UAP1: variants seen among roughly 807,000 people sequenced by gnomAD.
UAP1 encodes the protein UDP-N-acetylglucosamine pyrophosphorylase 1, also known as UDP-N-acetylhexosamine pyrophosphorylase.
In UAP1, 25 loss-of-function variants were observed where a neutral mutation model predicts 58.5. That is an observed-to-expected ratio of 0.43 (90% CI 0.31 to 0.60). UAP1 has a LOEUF of 0.60. Among genes scored for constraint, UAP1 ranks in the 20% least tolerant of loss-of-function variants. The pLI, the probability that UAP1 is intolerant of heterozygous loss-of-function variation, is 0.11. For synonymous variants in UAP1, 208 were observed against 213.0 expected (o/e 0.98, Z 0.21); for missense variants, 575 against 630.0 (o/e 0.91, Z 0.93).
intron 4 of UAP1, 138 bp downstream of exon 4, chr1:162,579,741 T>A: frequency 2.6e-6 from 2 of 781,728 alleles, no homozygotes; most frequent in Non-Finnish European, 3.7e-6. Flanking sequence ...GGAAATGATT[T>A]AAAAAGATGA....
chr1:162,579,055 C>G (rs1007695450), intron 3 of UAP1, among the ~76,000 whole-genome samples: 2 of 152,166 alleles, frequency 1.3e-5, no homozygotes, highest in African/African-American at 2.4e-5. Flanking sequence ...CCCAAGAGAT[C>G]ATTAAACTGT....
At chr1:162,561,607 G>A (rs1172702033) in exon 1 of UAP1, 2 of 152,012 alleles carry the variant, frequency 1.3e-5, no homozygotes, top group Non-Finnish European at 2.9e-5. Flanking sequence ...TAGTCGTGGC[G>A]AGAGGGGCGG....
rs75087661 is a variant in UAP1, at chr1:162,595,616, C to T, written c.1410-2176C>T. 2.1e-3 allele frequency among the ~76,000 whole-genome samples: 318 copies of T among 152,208 alleles called. 6 individuals are homozygous for T. In the East Asian group the frequency reaches 0.05, roughly 24 times the overall value. ...GTTATTTGTTCAGACAACAAGCATTCGTAGGCCTGCTCATAGGTTTATAGG... is the reference window on the plus strand; with the variant it reads ...GTTATTTGTTCAGACAACAAGCATTTGTAGGCCTGCTCATAGGTTTATAGG... On this transcript the variant is annotated intron_variant, in intron 9 of 10. Transcript: ENST00000271469.
chr1:162,569,744 AG>A (rs1394717000), intron 2 of UAP1, among the ~76,000 whole-genome samples: 3 of 152,264 alleles, frequency 2.0e-5, no homozygotes, highest in African/African-American at 4.8e-5. Flanking sequence ...TCTACCATAT[AG>A]CACTATAGTA....
intron 2 of UAP1, among the ~76,000 whole-genome samples, 176 bp from the exon 3 acceptor site, chr1:162,576,600 TG>T (rs1325690324): frequency 2.0e-5 from 3 of 152,212 alleles, no homozygotes; most frequent in Non-Finnish European, 4.4e-5. Context: ...AAGCAGGCTT[TG>T]GTCCAAGCCA....
chr1:162,571,316 A>G (rs1490788321), intron 2 of UAP1, among the ~76,000 whole-genome samples: 1 of 151,514 alleles, frequency 6.6e-6, no homozygotes, highest in African/African-American at 2.4e-5. Flanking sequence ...TTTAGTAGAG[A>G]CGGGGGTTTC....
chr1:162,574,193 A>G (rs2101758105), intron 2 of UAP1, among the ~76,000 whole-genome samples: 1 of 151,414 alleles, frequency 6.6e-6, no homozygotes, highest in South Asian at 2.1e-4. Flanking sequence ...CCTGGGTTCA[A>G]GCAGTTCATC....
exon 6 of UAP1, chr1:162,587,593 A>T (rs1487096341): frequency 6.2e-7 from 1 of 1,614,166 alleles, no homozygotes; most frequent in East Asian, 2.2e-5. Flanking sequence ...CGAAGCTCAG[A>T]CGGACGACTG....
intron 9 of UAP1, among the ~76,000 whole-genome samples, chr1:162,595,380 T>A (rs2101842151): frequency 6.6e-6 from 1 of 152,262 alleles, no homozygotes; most frequent in East Asian, 1.9e-4. Context: ...GCTATATACA[T>A]CTTAATGGGG....
chr1:162,581,307 C>T (rs769959092), exon 5 of UAP1: 40 of 1,611,794 alleles, frequency 2.5e-5, no homozygotes, highest in East Asian at 4.5e-5. Flanking sequence ...TGGTCTTTAT[C>T]GGGCACTTGC....
At chr1:162,589,514 TAA>T (rs1655171021) in intron 7 of UAP1, among the ~76,000 whole-genome samples, 1 of 151,420 alleles carries the variant, frequency 6.6e-6, no homozygotes, top group South Asian at 2.1e-4. Context: ...AAGGTTAAGA[TAA>T]AGAGTTGTCT....
intron 8 of UAP1, among the ~76,000 whole-genome samples, chr1:162,591,060 G>C (rs865939263): frequency 1.3e-5 from 2 of 151,910 alleles, no homozygotes; most frequent in Non-Finnish European, 2.9e-5. Context: ...AAGTAGCAGG[G>C]ACTATACAGG....
intron 2 of UAP1, among the ~76,000 whole-genome samples, chr1:162,576,215 C>T (rs1220078029): frequency 6.6e-6 from 1 of 152,130 alleles, no homozygotes; most frequent in African/African-American, 2.4e-5. Context: ...TATTTGCATG[C>T]TCATTGATTA....
chr1:162,585,239 T>A (rs1011833403), intron 5 of UAP1, among the ~76,000 whole-genome samples: 2 of 149,686 alleles, frequency 1.3e-5, no homozygotes, highest in Non-Finnish European at 3.0e-5. Flanking sequence ...AGTACACCTT[T>A]TAAGTTTATA....
At chr1:162,589,140 ATT>A (rs1383550163) in intron 7 of UAP1, among the ~76,000 whole-genome samples, 7 of 104,572 alleles carry the variant, frequency 6.7e-5, no homozygotes, top group African/African-American at 2.8e-4. Context: ...TAATTTATAT[ATT>A]TATATAATAT....
intron 7 of UAP1, among the ~76,000 whole-genome samples, chr1:162,589,367 G>A (rs1655160790): frequency 6.9e-6 from 1 of 145,108 alleles, no homozygotes; most frequent in Non-Finnish European, 1.5e-5. Context: ...TGAGCAGGCG[G>A]GTCTCAAACT....
intron 5 of UAP1, among the ~76,000 whole-genome samples, chr1:162,583,066 C>T (rs1654689997): frequency 6.6e-6 from 1 of 151,370 alleles, no homozygotes; most frequent in South Asian, 2.1e-4. Context: ...CAACCTTTGC[C>T]TCCTGGGTTC....
At chr1:162,596,554 C>A in intron 9 of UAP1, among the ~76,000 whole-genome samples, 1 of 152,124 alleles carries the variant, frequency 6.6e-6, no homozygotes, top group East Asian at 1.9e-4. Flanking sequence ...GGGGCTTGAG[C>A]CAAATCTTGG....
chr1:162,594,973 G>C (rs1336859738), intron 9 of UAP1, among the ~76,000 whole-genome samples: 3 of 152,208 alleles, frequency 2.0e-5, no homozygotes, highest in Non-Finnish European at 4.4e-5. Context: ...AGTATATTAT[G>C]TAAAAGAGGG....
Sources: gnomAD v4.1 joint callset for allele counts (sites outside exome capture counted in the v4.1 genomes callset) on GRCh38, gnomAD v4.1.1 for gene constraint, MANE v1.5 for transcripts, NCBI Gene and HGNC (gene_info 2026-07-23, HGNC 2026-07-21) for gene names.